Variants in ZSWIM6 observed in about 807,000 individuals in gnomAD.
ZSWIM6 encodes the protein zinc finger SWIM-type containing 6.
A neutral mutation model predicts 113.2 loss-of-function variants in ZSWIM6; 9 were observed. The ratio of observed to expected loss-of-function variants is 0.08; its 90% CI spans 0.05 to 0.14. The LOEUF (loss-of-function observed/expected upper bound fraction) is 0.14, where lower values mean the gene tolerates loss of function less well. Among genes scored for constraint, ZSWIM6 ranks in the 10% least tolerant of loss-of-function variants. ZSWIM6 has a pLI of 1.00. For missense variants in ZSWIM6, 1,162 were observed against 1,552.2 expected (o/e 0.75, Z 4.22); for synonymous variants, 611 against 606.5 (o/e 1.01, Z -0.11).
chr5:61,521,198 A>T, intron 4 of ZSWIM6, 65 bp from the exon 5 acceptor site: 1 of 1,020,380 alleles, frequency 9.8e-7, no homozygotes, highest in Non-Finnish European at 1.3e-6. Context: ...AAACAATTTA[A>T]CTTGATAAAA....
At chr5:61,499,334 C>A (rs1353046998) in intron 4 of ZSWIM6, among the ~76,000 whole-genome samples, 1 of 151,736 alleles carries the variant, frequency 6.6e-6, no homozygotes, top group African/African-American at 2.4e-5. Flanking sequence ...GTGTTGTTAA[C>A]CTTCTTTCCA....
chr5:61,491,022 G>T, intron 3 of ZSWIM6, 88 bp downstream of exon 3: 1 of 1,279,086 alleles, frequency 7.8e-7, no homozygotes, highest in Non-Finnish European at 1.0e-6. Context: ...ATAGGATAAA[G>T]ACTTTTAAAA....
chr5:61,434,186 CAT>C (rs915369161), intron 1 of ZSWIM6, among the ~76,000 whole-genome samples: 92 of 144,596 alleles, frequency 6.4e-4, no homozygotes, highest in South Asian at 2.3e-3. Flanking sequence ...CTATATATAA[CAT>C]ATATAAATAT....
intron 1 of ZSWIM6, among the ~76,000 whole-genome samples, chr5:61,356,656 G>GAT (rs1220321939): frequency 1.4e-5 from 2 of 140,678 alleles, no homozygotes; most frequent in Non-Finnish European, 3.0e-5. Flanking sequence ...TTACAGGTTT[G>GAT]ATATATATAT....
intron 9 of ZSWIM6, among the ~76,000 whole-genome samples, chr5:61,534,699 G>A (rs952789975): frequency 3.3e-5 from 5 of 152,078 alleles, no homozygotes; most frequent in Admixed American, 6.6e-5. Flanking sequence ...CTATGTTGCC[G>A]TTCTCAAAGC....
chr5:61,435,736 T>C (rs1433029220), intron 1 of ZSWIM6, among the ~76,000 whole-genome samples: 1 of 152,228 alleles, frequency 6.6e-6, no homozygotes. Flanking sequence ...AGCTGATTTA[T>C]TATATTTTAT....
chr5:61,540,916 G>GTTTTTTT (rs34749703), intron 12 of ZSWIM6, among the ~76,000 whole-genome samples: 30 of 94,478 alleles, frequency 3.2e-4, no homozygotes, highest in African/African-American at 6.7e-4. Flanking sequence ...TATTTTGTGG[G>GTTTTTTT]TTTTTTTTTT....
chr5:61,483,712 CAA>C (rs36120611), intron 2 of ZSWIM6, among the ~76,000 whole-genome samples: 5 of 125,750 alleles, frequency 4.0e-5, no homozygotes, highest in Admixed American at 1.6e-4. Flanking sequence ...ACTAAAAATA[CAA>C]AAAAAAAAAA....
At chr5:61,378,131 G>T (rs753738858) in intron 1 of ZSWIM6, among the ~76,000 whole-genome samples, 9 of 152,162 alleles carry the variant, frequency 5.9e-5, no homozygotes, top group Non-Finnish European at 1.3e-4. Context: ...AGACCTATTT[G>T]ACCCAACAAT....
In ZSWIM6 at chr5:61,332,509, C is replaced by A; in HGVS notation, c.237C>A (p.Asp79Glu). The change falls in exon 1 of 14, where the codon GAC (aspartate) becomes GAA (glutamate). Residue 79 changes from aspartate (D) to glutamate (E), a missense_variant. By Grantham distance (45) the Asp-to-Glu change is conservative. Coordinates refer to ENST00000252744, the MANE Select transcript of ZSWIM6 (RefSeq NM_020928.2). ...CCCAGAGCCCCGAGTCGCTGCTGGA[C>A]ATCGCGGCGCGCAGGGTGGCGGAGA... ...GKTQSPESLL[D>E]IAARRVAEKW... The A allele has an allele frequency of 7.6e-7, 1 of 1,314,428 alleles. No homozygotes were observed. The highest frequency in any genetic ancestry group is 1.3e-5 in the South Asian group (1 of 76,228). The allele number at this position is 1,314,428 out of a possible 1,614,324, so 81.4% of individuals were successfully genotyped here.
At chr5:61,459,309 T>C (rs1747274980) in intron 1 of ZSWIM6, among the ~76,000 whole-genome samples, 1 of 152,208 alleles carries the variant, frequency 6.6e-6, no homozygotes, top group South Asian at 2.1e-4. Context: ...TTTTCTATAG[T>C]GTTGTTATCA....
intron 1 of ZSWIM6, among the ~76,000 whole-genome samples, chr5:61,348,361 A>C (rs1055882416): frequency 2.6e-5 from 4 of 152,230 alleles, no homozygotes; most frequent in African/African-American, 9.6e-5. Context: ...ATGTAGCCGT[A>C]TTTAGATATA....
At chr5:61,413,921 T>G (rs1472915807) in intron 1 of ZSWIM6, among the ~76,000 whole-genome samples, 1 of 148,302 alleles carries the variant, frequency 6.7e-6, no homozygotes, top group African/African-American at 2.5e-5. Flanking sequence ...TGAAGGAAGC[T>G]CCTGAGGGCA....
rs764493535 is a variant in ZSWIM6 at position 61,541,989 on chromosome 5, C to T, written c.2785+24C>T. On this transcript the variant is annotated intron_variant, in intron 13 of 13. Coordinates refer to ENST00000252744, the MANE Select transcript of ZSWIM6 (RefSeq NM_020928.2). ...CGGTAGGTAAACTCTGGAACAGAAG[C>T]TTTCCTAGGTGCCTCATGGTAGGAT... The T allele has an allele frequency of 1.6e-5, 25 of 1,539,772 alleles. No individual in the cohort carries two copies. In the Admixed American group the frequency reaches 3.5e-4, roughly 22 times the overall value.
intron 7 of ZSWIM6, among the ~76,000 whole-genome samples, chr5:61,528,746 G>A (rs757911015): frequency 4.6e-5 from 7 of 151,678 alleles, no homozygotes; most frequent in South Asian, 2.1e-4. Flanking sequence ...CACCACCACG[G>A]CCAGCTAATT....
intron 11 of ZSWIM6, 81 bp downstream of exon 11, chr5:61,539,052 T>A: frequency 7.1e-7 from 1 of 1,402,170 alleles, no homozygotes; most frequent in Non-Finnish European, 9.4e-7. Context: ...TCTATCAAAT[T>A]CTCAGCAGTG....
chr5:61,442,717 G>A (rs1269679425), intron 1 of ZSWIM6, among the ~76,000 whole-genome samples: 1 of 152,298 alleles, frequency 6.6e-6, no homozygotes, highest in African/African-American at 2.4e-5. Context: ...GTGTCCTGTT[G>A]TGAAGGAAAA....
chr5:61,499,448 T>G (rs1009546334), intron 4 of ZSWIM6, among the ~76,000 whole-genome samples: 1 of 152,072 alleles, frequency 6.6e-6, no homozygotes, highest in Non-Finnish European at 1.5e-5. Flanking sequence ...ATAGTACCAG[T>G]AGCAAGGAGG....
At chr5:61,521,005 G>C (rs1735798645) in intron 4 of ZSWIM6, among the ~76,000 whole-genome samples, 2 of 151,950 alleles carry the variant, frequency 1.3e-5, no homozygotes, top group Non-Finnish European at 2.9e-5. Context: ...TGGATCTATT[G>C]TCCTCCTTTC....
Sources: gnomAD v4.1 joint callset for allele counts (sites outside exome capture counted in the v4.1 genomes callset) on GRCh38, gnomAD v4.1.1 for gene constraint, MANE v1.5 for transcripts, NCBI Gene and HGNC (gene_info 2026-07-23, HGNC 2026-07-21) for gene names.